Variants in SEPTIN9 observed in about 807,000 individuals in gnomAD.
SEPTIN9 encodes the protein septin 9, also known as septin-9.
SEPTIN9 carries 13 observed loss-of-function variants against 56.6 expected under a neutral mutation model. That is an observed-to-expected ratio of 0.23 (90% CI 0.15 to 0.37). The LOEUF is 0.37. Ranked by LOEUF, SEPTIN9 falls within the 10% of genes least tolerant of loss-of-function variation. The probability of loss-of-function intolerance (pLI) is 1.00; values close to 1 mark genes in which losing one functional copy is unlikely to be tolerated. For synonymous variants in SEPTIN9, 332 were observed against 334.1 expected, an observed-to-expected ratio of 0.99 and a Z score of 0.07; for missense variants, 650 against 823.1, an observed-to-expected ratio of 0.79 and a Z score of 2.57.
chr17:77,373,964 G>T lies in SEPTIN9; in HGVS notation c.77-28095G>T, dbSNP rs112890258. 9.1e-3 allele frequency: 1,518 copies of T among 167,448 alleles called. 26 individuals carry two copies. The highest frequency in any genetic ancestry group is 0.034 in the African/African-American group (1,446 of 42,126). 10.4% of individuals were successfully genotyped at this position (167,448 alleles called of 1,614,324 possible). ...CCCCTCCCTTTGGCTCTCCCCGGCG[G>T]CTCTCGGGCCCCGCTTGGACCCGGC... On this transcript the variant is annotated intron_variant, in intron 2 of 11. Coordinates refer to ENST00000427177, the MANE Select transcript of SEPTIN9 (RefSeq NM_001113491.2).
At chr17:77,382,343 C>T (rs1472432696) in intron 2 of SEPTIN9, among the ~76,000 whole-genome samples, 1 of 152,242 alleles carries the variant, frequency 6.6e-6, no homozygotes, top group Non-Finnish European at 1.5e-5. Flanking sequence ...CTTGCCATTT[C>T]TGCAGACTCA....
Position 77,451,419 on chromosome 17 carries a change from C to G in SEPTIN9, c.722-30725C>G, listed in dbSNP as rs1019876339. 8 of 985,558 alleles carry G rather than the reference C, an allele frequency of 8.1e-6. No individual in the cohort carries two copies. The highest frequency in any genetic ancestry group is 9.6e-6 in the Non-Finnish European group (8 of 830,092). 61.1% of individuals were successfully genotyped at this position (985,558 alleles called of 1,614,324 possible). A position where few individuals can be genotyped will look rare whatever the true frequency, so the allele number is the denominator to read the frequency against. On this transcript the variant is annotated intron_variant, in intron 3 of 11. Coordinates refer to ENST00000427177, the MANE Select transcript of SEPTIN9 (RefSeq NM_001113491.2). This position sits in a 1 kb window ranked among gnomAD's most constrained non-coding sequence, Gnocchi z 4.2. ...CCCGCGCTCTGGGAGGCTCCTTGTT[C>G]CGCGACCACAAAGCCCCTTTGATCC...
chr17:77,281,508 T>G lies in SEPTIN9; in HGVS notation c.-28T>G, dbSNP rs1489897047. The G allele has an allele frequency of 6.5e-7, 1 of 1,546,532 alleles. No individual in the cohort carries two copies. Among genetic ancestry groups the G allele is most frequent in the East Asian group, 2.5e-5 (1 of 40,492 alleles). ...GCCCCGCTGCCTCGCCGCCACACTT[T>G]CCTGGGAGCGGCGGCCACGGAGGCA... On this transcript the variant is annotated 5_prime_UTR_variant, in exon 1 of 12. Coordinates refer to ENST00000427177, the MANE Select transcript of SEPTIN9 (RefSeq NM_001113491.2).
At chr17:77,480,731 C>T (rs1182139203) in intron 3 of SEPTIN9, among the ~76,000 whole-genome samples, 2 of 152,192 alleles carry the variant, frequency 1.3e-5, no homozygotes, top group Non-Finnish European at 2.9e-5. Flanking sequence ...CCACTCCCCT[C>T]CCGGAGGACT....
chr17:77,373,455 C>A (rs1358072174), intron 2 of SEPTIN9: 2 of 1,494,874 alleles, frequency 1.3e-6, no homozygotes, highest in South Asian at 1.3e-5. Flanking sequence ...GGGGGCGCTT[C>A]CTCGCCGCTG....
chr17:77,286,263 A>ACCTGC, intron 1 of SEPTIN9: 1 of 152,366 alleles, frequency 6.6e-6, no homozygotes, highest in East Asian at 1.9e-4. Context: ...GGCAGGGGCC[A>ACCTGC]CCTGCCCTGC....
chr17:77,482,727 C>CACCGCAGCCT (rs149896636), intron 4 of SEPTIN9: 70,209 of 582,930 alleles, frequency 0.12, 14,056 homozygotes, highest in East Asian at 0.51. Flanking sequence ...CACCGCACCC[C>CACCGCAGCCT]GGCCAGAGGC....
At chr17:77,497,439 G>T (rs989564987) in intron 11 of SEPTIN9, 73 bp downstream of exon 11, 10 of 1,442,602 alleles carry the variant, frequency 6.9e-6, no homozygotes, top group Non-Finnish European at 9.7e-6. Context: ...TGGGGGCAGT[G>T]GGTGTGGGGC....
At chr17:77,452,337 G>T (rs1598397242) in intron 3 of SEPTIN9, among the ~76,000 whole-genome samples, 2 of 152,228 alleles carry the variant, frequency 1.3e-5, no homozygotes, top group Non-Finnish European at 2.9e-5. Flanking sequence ...CTCAAAGCAG[G>T]GAGGGGCGAG....
Position 77,405,016 on chromosome 17 carries a change from A to G in SEPTIN9, c.721+2313A>G, listed in dbSNP as rs369701157. Reference sequence around the variant, plus strand: ...CCGGATACACCCCCATCCTGGGTTGATGTGTTCACACTCAGCTGAGTCAAA... The same window carrying G: ...CCGGATACACCCCCATCCTGGGTTGGTGTGTTCACACTCAGCTGAGTCAAA... On this transcript the variant is annotated intron_variant, in intron 3 of 11. Transcript: ENST00000427177. This position sits in a 1 kb window ranked among gnomAD's most constrained non-coding sequence, Gnocchi z 5.8. 8 of 1,446,228 alleles carry G rather than the reference A, an allele frequency of 5.5e-6. No homozygotes were observed. In the East Asian group the frequency reaches 7.5e-5, roughly 13 times the overall value. The allele number at this position is 1,446,228 out of a possible 1,614,324, so 89.6% of individuals were successfully genotyped here.
At position 77,498,621 on chromosome 17, in the gene SEPTIN9, G is replaced by A. The variant is rs988554004; in HGVS notation, c.1724G>A (p.Gly575Asp). 1 of 1,610,986 alleles carries A rather than the reference G, an allele frequency of 6.2e-7. No homozygotes were observed. The highest frequency in any genetic ancestry group is 1.7e-5 in the Admixed American group (1 of 59,816). ...LNEGSSAMANGMEEKEPEAPE... is the reference protein window; with the variant it reads ...LNEGSSAMANDMEEKEPEAPE... ...GAGGGCAGCAGCGCCATGGCCAACG[G>A]CATGGAGGAGAAGGAGCCAGAAGCC... Residue 575 changes from glycine to aspartate, a missense_variant, in exon 12 of 12, where the codon GGC (glycine) becomes GAC (aspartate). By Grantham distance (94) the Gly-to-Asp change is moderately conservative. Around this residue, in one of 2 missense-constraint regions of SEPTIN9, gnomAD observed 333 missense variants for 494.0 expected, o/e 0.67. Coordinates refer to ENST00000427177, the MANE Select transcript of SEPTIN9 (RefSeq NM_001113491.2).
chr17:77,422,739 C>T (rs1026619467), intron 3 of SEPTIN9, among the ~76,000 whole-genome samples: 3 of 152,184 alleles, frequency 2.0e-5, no homozygotes, highest in African/African-American at 7.2e-5. Flanking sequence ...TGTTCTGCCC[C>T]CTGGCTCTTG....
chr17:77,320,154 A>C lies in SEPTIN9; in HGVS notation c.76+12957A>C, dbSNP rs1194615705. ...AGCACATGGAAATGTGGTAATTCGG[A>C]TGCATTCGTGATTGCAACAGATTGA... On this transcript the variant is annotated intron_variant, in intron 2 of 11. Transcript: ENST00000427177. 9 of 1,516,242 alleles carry C rather than the reference A, an allele frequency of 5.9e-6. No individual in the cohort carries two copies. The Admixed American group carries it at 1.2e-4, about 21-fold the overall frequency. 93.9% of individuals were successfully genotyped at this position (1,516,242 alleles called of 1,614,324 possible).
intron 2 of SEPTIN9, among the ~76,000 whole-genome samples, chr17:77,340,209 C>T (rs755954300): frequency 2.8e-4 from 43 of 151,930 alleles, no homozygotes; most frequent in African/African-American, 5.8e-4. Flanking sequence ...GGCACGATCT[C>T]GGCTCACTGC....
At chr17:77,468,749 T>A (rs1318537330) in intron 3 of SEPTIN9, among the ~76,000 whole-genome samples, 1 of 152,108 alleles carries the variant, frequency 6.6e-6, no homozygotes, top group East Asian at 1.9e-4. Context: ...ATCATCAGAT[T>A]AGTAAATTTT....
chr17:77,310,264 G>T lies in SEPTIN9; in HGVS notation c.76+3067G>T, dbSNP rs1415967934. Reference sequence around the variant, plus strand: ...CCCAAAGTGCTGGGATTATAGGTGTGAGCCACCGCATCCGGCCTGGTCTCC... The same window carrying T: ...CCCAAAGTGCTGGGATTATAGGTGTTAGCCACCGCATCCGGCCTGGTCTCC... On this transcript the variant is annotated intron_variant, in intron 2 of 11. Transcript: ENST00000427177. The surrounding 1 kb of genome is among the most constrained non-coding windows in gnomAD (Gnocchi z 4.7). Among the ~76,000 whole-genome samples the T allele has an allele frequency of 6.6e-6, 1 of 152,122 alleles. No individual in the cohort carries two copies. The highest frequency in any genetic ancestry group is 1.5e-5 in the Non-Finnish European group (1 of 68,010).
chr17:77,457,228 C>T (rs1018480586), intron 3 of SEPTIN9, among the ~76,000 whole-genome samples: 3 of 152,198 alleles, frequency 2.0e-5, no homozygotes. Context: ...TCGGCCCTCG[C>T]TCTGGCTGCG....
At chr17:77,406,762 C>T (rs1188716676) in intron 3 of SEPTIN9, among the ~76,000 whole-genome samples, 1 of 152,044 alleles carries the variant, frequency 6.6e-6, no homozygotes, top group Admixed American at 6.6e-5. Flanking sequence ...CCTCTGCCTC[C>T]CAGGTTCAAG....
rs1369833 is a variant in SEPTIN9 at position 77,349,769 on chromosome 17, C to T, written c.76+42572C>T. Among the ~76,000 whole-genome samples the T allele has an allele frequency of 3.3e-3, 504 of 152,254 alleles. 5 individuals carry two copies. The highest frequency in any genetic ancestry group is 0.011 in the African/African-American group (475 of 41,562). ...CCAGGCTGTTGTTATTTTGTTCTTT[C>T]AAATATTTTGTCCAGAGCTATAATG... On this transcript the variant is annotated intron_variant, in intron 2 of 11. Transcript: ENST00000427177.
Sources: gnomAD v4.1 joint callset for allele counts (sites outside exome capture counted in the v4.1 genomes callset) on GRCh38, gnomAD v4.1.1 for gene constraint, gnomAD v4.1.1 regional missense constraint, Gnocchi (gnomAD v3.1) non-coding constraint, MANE v1.5 for transcripts, NCBI Gene and HGNC (gene_info 2026-07-23, HGNC 2026-07-21) for gene names.